Variants in SLC25A21 observed in about 807,000 individuals in gnomAD.
SLC25A21 encodes the protein mitochondrial 2-oxodicarboxylate carrier.
In SLC25A21, 47 loss-of-function variants were observed where a neutral mutation model predicts 43.8. The ratio of observed to expected loss-of-function variants is 1.07; its 90% CI spans 0.85 to 1.37. The LOEUF is 1.37. Ranked by LOEUF, SLC25A21 falls within the 40% of genes most tolerant of loss-of-function variation. The probability of loss-of-function intolerance (pLI) is 0.00; values close to 1 mark genes in which losing one functional copy is unlikely to be tolerated. For synonymous variants in SLC25A21, 131 were observed against 121.3 expected (o/e 1.08, Z -0.52); for missense variants, 352 against 350.2 (o/e 1.00, Z -0.04).
chr14:36,905,163 T>C (rs944185437), intron 1 of SLC25A21, among the ~76,000 whole-genome samples: 12 of 152,218 alleles, frequency 7.9e-5, no homozygotes, highest in African/African-American at 1.2e-4. Flanking sequence ...TCAAGATTTA[T>C]ACAGTCATTA....
chr14:37,166,902 A>G (rs183421235), intron 1 of SLC25A21, among the ~76,000 whole-genome samples: 69 of 152,356 alleles, frequency 4.5e-4, no homozygotes, highest in African/African-American at 1.6e-3. Context: ...TAATCCTGCT[A>G]TATATTCTAA....
intron 1 of SLC25A21, among the ~76,000 whole-genome samples, chr14:37,086,975 T>A (rs1962498038): frequency 1.3e-5 from 2 of 152,222 alleles, no homozygotes. Flanking sequence ...GAAATGACTT[T>A]GTGAGGGTAA....
At chr14:36,804,259 G>C (rs566170790) in intron 3 of SLC25A21, among the ~76,000 whole-genome samples, 3 of 152,158 alleles carry the variant, frequency 2.0e-5, no homozygotes, top group Non-Finnish European at 4.4e-5. Context: ...CAACTGAGAT[G>C]AGATATGTAC....
intron 1 of SLC25A21, among the ~76,000 whole-genome samples, chr14:36,887,922 C>G (rs572512499): frequency 2.0e-5 from 3 of 152,218 alleles, no homozygotes; most frequent in South Asian, 2.1e-4. Context: ...TGTGCTCCAC[C>G]CTGCCCACCC....
chr14:36,999,858 T>C (rs1041791136), intron 1 of SLC25A21, among the ~76,000 whole-genome samples: 1 of 152,154 alleles, frequency 6.6e-6, no homozygotes, highest in African/African-American at 2.4e-5. Context: ...TTACGTATTA[T>C]TTATTATCCA....
intron 1 of SLC25A21, among the ~76,000 whole-genome samples, chr14:36,917,596 T>C (rs1891865169): frequency 6.6e-6 from 1 of 152,130 alleles, no homozygotes; most frequent in Non-Finnish European, 1.5e-5. Context: ...TGCTGAAAGA[T>C]AAGTAAACAG....
chr14:36,866,068 C>A (rs1356460545), intron 2 of SLC25A21, among the ~76,000 whole-genome samples: 1 of 152,034 alleles, frequency 6.6e-6, no homozygotes, highest in African/African-American at 2.4e-5. Context: ...GCCCCCCACC[C>A]CACTTTCTCC....
At chr14:36,779,092 T>G (rs1329477751) in intron 3 of SLC25A21, among the ~76,000 whole-genome samples, 2 of 151,606 alleles carry the variant, frequency 1.3e-5, no homozygotes, top group Non-Finnish European at 1.5e-5. Context: ...GCCTGGCTTA[T>G]CTCACTTAGC....
chr14:37,032,917 A>G (rs1961249973), intron 1 of SLC25A21, among the ~76,000 whole-genome samples: 1 of 152,218 alleles, frequency 6.6e-6, no homozygotes, highest in Admixed American at 6.5e-5. Flanking sequence ...TACAATGAAG[A>G]GTAAACAGGT....
At chr14:37,116,395 T>C (rs1963107132) in intron 1 of SLC25A21, among the ~76,000 whole-genome samples, 2 of 152,206 alleles carry the variant, frequency 1.3e-5, no homozygotes, top group Admixed American at 1.3e-4. Context: ...ACAATGGTAC[T>C]ACAAGGCATA....
intron 7 of SLC25A21, among the ~76,000 whole-genome samples, chr14:36,686,185 G>A (rs1298366065): frequency 6.6e-6 from 1 of 152,178 alleles, no homozygotes; most frequent in Non-Finnish European, 1.5e-5. Context: ...AAACTCCTAT[G>A]TGGCTAAATA....
intron 1 of SLC25A21, among the ~76,000 whole-genome samples, chr14:37,128,538 C>CTCTGTGTGTGTGTGTG (rs1555348857): frequency 8.1e-5 from 10 of 122,796 alleles, no homozygotes; most frequent in Non-Finnish European, 1.3e-4. Context: ...CTCTCTCTCT[C>CTCTGTGTGTGTGTGTG]TGTGTGTGTG....
At position 36,680,362 on chromosome 14, in the gene SLC25A21, C is replaced by CA; in HGVS notation, c.*295dup. On this transcript the variant is annotated 3_prime_UTR_variant, in exon 10 of 10. Transcript: ENST00000331299. ...AAGCATTGAAGAGGAACACAGGAGA[C>CA]AAAGTTTCTATTTATTTTATGAAAT... 9.7e-7 allele frequency: 1 copy of CA among 1,033,266 alleles called. No homozygotes were observed. Among genetic ancestry groups the CA allele is most frequent in the Non-Finnish European group, 1.2e-6 (1 of 860,546 alleles). The allele number at this position is 1,033,266 out of a possible 1,614,324, so 64.0% of individuals were successfully genotyped here.
intron 1 of SLC25A21, among the ~76,000 whole-genome samples, chr14:37,112,655 T>C (rs1217567816): frequency 2.0e-5 from 3 of 152,184 alleles, no homozygotes; most frequent in East Asian, 1.9e-4. Flanking sequence ...GTAAACAATT[T>C]CAGGCCACAT....
chr14:37,153,033 G>A (rs867172070), intron 1 of SLC25A21, among the ~76,000 whole-genome samples: 17 of 152,298 alleles, frequency 1.1e-4, no homozygotes, highest in East Asian at 5.8e-4. Context: ...AGAGCTGGGA[G>A]TGACTTCCTA....
intron 1 of SLC25A21, among the ~76,000 whole-genome samples, chr14:36,984,642 A>T (rs2138704411): frequency 6.6e-6 from 1 of 152,038 alleles, no homozygotes; most frequent in South Asian, 2.1e-4. Flanking sequence ...CTTCTGACTC[A>T]TTTTTTACCT....
At chr14:37,034,723 C>T (rs1317557859) in intron 1 of SLC25A21, among the ~76,000 whole-genome samples, 1 of 152,180 alleles carries the variant, frequency 6.6e-6, no homozygotes, top group East Asian at 1.9e-4. Flanking sequence ...CAACCATCTG[C>T]TATTTATTTT....
chr14:36,977,958 A>T (rs1409774206), intron 1 of SLC25A21, among the ~76,000 whole-genome samples: 2 of 143,122 alleles, frequency 1.4e-5, no homozygotes, highest in African/African-American at 5.4e-5. Context: ...TTTTTTTAAA[A>T]AAAAAAAAAG....
chr14:36,756,433 G>A (rs773897665), intron 3 of SLC25A21, among the ~76,000 whole-genome samples: 5 of 152,248 alleles, frequency 3.3e-5, no homozygotes, highest in Non-Finnish European at 7.3e-5. Flanking sequence ...CTCCCCAGAG[G>A]TTTTGGATCT....
Sources: gnomAD v4.1 joint callset for allele counts (sites outside exome capture counted in the v4.1 genomes callset) on GRCh38, gnomAD v4.1.1 for gene constraint, MANE v1.5 for transcripts, NCBI Gene and HGNC (gene_info 2026-07-23, HGNC 2026-07-21) for gene names.